LIN28B: variants seen among roughly 807,000 people sequenced by gnomAD.
LIN28B encodes protein lin-28 homolog B.
A neutral mutation model predicts 21.9 loss-of-function variants in LIN28B; 5 were observed. That is an observed-to-expected ratio of 0.23 (90% CI 0.12 to 0.48). The LOEUF (loss-of-function observed/expected upper bound fraction) is 0.48, where lower values mean the gene tolerates loss of function less well. Among genes scored for constraint, LIN28B ranks in the 20% least tolerant of loss-of-function variants. The pLI is 0.98. For synonymous variants in LIN28B, 109 were observed against 111.3 expected, an observed-to-expected ratio of 0.98 and a Z score of 0.13; for missense variants, 245 against 310.5, an observed-to-expected ratio of 0.79 and a Z score of 1.58.
At position 105,013,049 on chromosome 6, in the gene LIN28B, CTT is replaced by C. The variant is rs1409343041; in HGVS notation, c.199-13248_199-13247del. Among the ~76,000 whole-genome samples the C allele has an allele frequency of 3.9e-5, 6 of 152,108 alleles. No homozygotes were observed. In the East Asian group the frequency reaches 1.2e-3, roughly 29 times the overall value. The stretch of plus-strand genomic sequence containing the variant: ...TTGTGTTTTGAGACGGAGTTTTGCT[CTT>C]GTTACCCAGGCTGGGGTGCAATGGC... On this transcript the variant is annotated intron_variant, in intron 2 of 3. Coordinates refer to ENST00000345080, the MANE Select transcript of LIN28B (RefSeq NM_001004317.4).
chr6:105,021,749 T>C (rs915139198), intron 2 of LIN28B, among the ~76,000 whole-genome samples: 2 of 152,194 alleles, frequency 1.3e-5, no homozygotes, highest in East Asian at 3.9e-4. Flanking sequence ...TTTGCAAATA[T>C]TTTCTCCCAT....
intron 3 of LIN28B, among the ~76,000 whole-genome samples, chr6:105,070,673 G>A (rs1772316365): frequency 6.8e-6 from 1 of 147,264 alleles, no homozygotes; most frequent in South Asian, 2.2e-4. Flanking sequence ...TCAGCTGCTA[G>A]AGAGTCTGAG....
intron 2 of LIN28B, among the ~76,000 whole-genome samples, chr6:105,024,150 G>A (rs564590387): frequency 5.3e-4 from 80 of 152,114 alleles, no homozygotes; most frequent in Non-Finnish European, 1.5e-4. Flanking sequence ...CACCACACCT[G>A]GCTAATTTTT....
intron 2 of LIN28B, among the ~76,000 whole-genome samples, chr6:104,944,171 A>C (rs1023829661): frequency 6.6e-6 from 1 of 152,244 alleles, no homozygotes; most frequent in African/African-American, 2.4e-5. Context: ...GAATCATCAG[A>C]AATTGTGATA....
rs1267283869 is a variant in LIN28B at position 105,026,219 on chromosome 6, A to G, written c.199-79A>G. On this transcript the variant is annotated intron_variant, in intron 2 of 3. Transcript: ENST00000345080. ...GCATGACAGAGTATCTTTCTTTTTTAAAATTATAGAGATAATTTATAAAGC... is the reference window on the plus strand; with the variant it reads ...GCATGACAGAGTATCTTTCTTTTTTGAAATTATAGAGATAATTTATAAAGC... 9.5e-6 allele frequency: 7 copies of G among 733,492 alleles called. 1 individual carries two copies. Among genetic ancestry groups the G allele is most frequent in the African/African-American group, 9.1e-5 (5 of 55,160 alleles). 45.4% of individuals were successfully genotyped at this position (733,492 alleles called of 1,614,324 possible).
intron 2 of LIN28B, among the ~76,000 whole-genome samples, chr6:105,022,509 C>T (rs1771160751): frequency 6.6e-6 from 1 of 152,084 alleles, no homozygotes; most frequent in Non-Finnish European, 1.5e-5. Flanking sequence ...TAGGGAAACC[C>T]AGCAAGGTCT....
At chr6:105,047,626 G>A (rs945135004) in intron 3 of LIN28B, among the ~76,000 whole-genome samples, 55 of 152,226 alleles carry the variant, frequency 3.6e-4, no homozygotes, top group Non-Finnish European at 6.3e-4. Context: ...CCATTTTCAC[G>A]ATATTGATTC....
intron 2 of LIN28B, among the ~76,000 whole-genome samples, chr6:104,941,940 T>C (rs1435705267): frequency 6.6e-6 from 1 of 151,870 alleles, no homozygotes; most frequent in Non-Finnish European, 1.5e-5. Flanking sequence ...TTGCGGAAAT[T>C]TCTTAAATGT....
chr6:104,992,514 G>GTGTGTTTT (rs1221284024), intron 2 of LIN28B, among the ~76,000 whole-genome samples: 1 of 139,602 alleles, frequency 7.2e-6, no homozygotes, highest in African/African-American at 2.8e-5. Flanking sequence ...GTGTGTGTGT[G>GTGTGTTTT]TTTTTTTTTT....
At chr6:104,978,566 CT>C (rs879657670) in intron 2 of LIN28B, among the ~76,000 whole-genome samples, 190 of 141,006 alleles carry the variant, frequency 1.3e-3, no homozygotes, top group Middle Eastern at 3.7e-3. Flanking sequence ...GGTATCCTGT[CT>C]TTTTTTTTTT....
intron 2 of LIN28B, among the ~76,000 whole-genome samples, chr6:104,981,020 A>G (rs532922045): frequency 6.6e-5 from 10 of 152,296 alleles, no homozygotes; most frequent in Admixed American, 6.5e-4. Flanking sequence ...GTTGGACACC[A>G]CAACAGGTTC....
chr6:105,052,017 A>G (rs1373306487), intron 3 of LIN28B, among the ~76,000 whole-genome samples: 2 of 152,250 alleles, frequency 1.3e-5, no homozygotes, highest in African/African-American at 2.4e-5. Flanking sequence ...AAATGCCTGA[A>G]GAGATGACAT....
chr6:105,020,424 A>G (rs753853799), intron 2 of LIN28B, among the ~76,000 whole-genome samples: 15 of 151,590 alleles, frequency 9.9e-5, no homozygotes, highest in Non-Finnish European at 1.9e-4. Context: ...TTGAGACCTC[A>G]GCTCACTGCA....
chr6:104,970,503 G>A (rs1269643185), intron 2 of LIN28B, among the ~76,000 whole-genome samples: 3 of 152,070 alleles, frequency 2.0e-5, no homozygotes, highest in African/African-American at 7.2e-5. Context: ...AATTTCATAT[G>A]CTTTACCTTA....
chr6:105,013,573 A>T (rs1267055414), intron 2 of LIN28B, among the ~76,000 whole-genome samples: 1 of 151,834 alleles, frequency 6.6e-6, no homozygotes. Context: ...CCCTGTCTCT[A>T]CAAAAAATAA....
chr6:104,954,589 G>T (rs975559176), upstream of LIN28B, among the ~76,000 whole-genome samples: 2 of 151,632 alleles, frequency 1.3e-5, no homozygotes, highest in African/African-American at 2.4e-5. Flanking sequence ...AATTCTTCAT[G>T]AACGAATTTT....
Position 105,078,923 on chromosome 6 carries a change from A to G in LIN28B, c.*140A>G. On this transcript the variant is annotated 3_prime_UTR_variant, in exon 4 of 4. Coordinates refer to ENST00000345080, the MANE Select transcript of LIN28B (RefSeq NM_001004317.4). ...GGAACTGTGAATTTTTTAAACAGAC[A>G]AATCACTCTAAGCAAATTACATTTG... The G allele has an allele frequency of 1.1e-6, 1 of 907,038 alleles. No homozygotes were observed. Among genetic ancestry groups the G allele is most frequent in the Non-Finnish European group, 1.6e-6 (1 of 607,476 alleles). 56.2% of individuals were successfully genotyped at this position (907,038 alleles called of 1,614,324 possible).
chr6:105,010,307 G>A (rs1056325539), intron 2 of LIN28B, among the ~76,000 whole-genome samples: 1 of 150,292 alleles, frequency 6.7e-6, no homozygotes, highest in Non-Finnish European at 1.5e-5. Context: ...AGGTTGCAGT[G>A]AGCTGAGATT....
chr6:105,045,224 TTAATAA>T (rs1486464860), intron 3 of LIN28B, among the ~76,000 whole-genome samples: 3 of 151,570 alleles, frequency 2.0e-5, no homozygotes, highest in Non-Finnish European at 4.4e-5. Context: ...TCACTTATAT[TTAATAA>T]TAATAACTAT....
Sources: gnomAD v4.1 joint callset for allele counts (sites outside exome capture counted in the v4.1 genomes callset) on GRCh38, gnomAD v4.1.1 for gene constraint, MANE v1.5 for transcripts, NCBI Gene and HGNC (gene_info 2026-07-23, HGNC 2026-07-21) for gene names.